ATP8A1: variants seen among roughly 807,000 people sequenced by gnomAD.
The protein encoded by ATP8A1 is ATPase phospholipid transporting 8A1, also known as phospholipid-transporting ATPase IA.
Under a neutral mutation model 177.7 loss-of-function variants are expected in ATP8A1, and 90 were observed. The observed-to-expected ratio is 0.51, with a 90% CI of 0.43 to 0.60. The LOEUF (loss-of-function observed/expected upper bound fraction) is 0.60. Ranked by LOEUF, ATP8A1 falls within the 20% of genes least tolerant of loss-of-function variation. ATP8A1 has a pLI of 0.00. For synonymous variants in ATP8A1, 493 were observed against 485.9 expected, an observed-to-expected ratio of 1.01 and a Z score of -0.19; for missense variants, 1,072 against 1,392.8, an observed-to-expected ratio of 0.77 and a Z score of 3.67.
At chr4:42,528,910 T>C (rs1726981251) in intron 20 of ATP8A1, among the ~76,000 whole-genome samples, 1 of 152,152 alleles carries the variant, frequency 6.6e-6, no homozygotes, top group Non-Finnish European at 1.5e-5. Flanking sequence ...CCAGTAAAAT[T>C]TCTAGGGGTC....
At chr4:42,465,218 A>G in intron 25 of ATP8A1, 142 bp from the exon 26 acceptor site, 1 of 735,760 alleles carries the variant, frequency 1.4e-6, no homozygotes, top group Non-Finnish European at 2.2e-6. Flanking sequence ...AGGTTTGCAA[A>G]TGTTTACTCA....
intron 22 of ATP8A1, among the ~76,000 whole-genome samples, chr4:42,515,427 A>C (rs1012375256): frequency 2.0e-5 from 3 of 152,188 alleles, no homozygotes; most frequent in Admixed American, 6.5e-5. Flanking sequence ...ATTAAGTTTT[A>C]TATTTCTCTA....
chr4:42,596,411 T>C lies in ATP8A1; in HGVS notation c.450+4067A>G, dbSNP rs1734714297. Among the ~76,000 whole-genome samples, 4 of 152,310 alleles carry C rather than the reference T, an allele frequency of 2.6e-5. No individual in the cohort carries two copies. The South Asian group carries it at 8.3e-4, about 32-fold the overall frequency. ...TTAGCTGGGCATGGTGGCTCACACCTGTAATCCCCGTACTTTGGGAGACTG... is the reference window on the plus strand; with the variant it reads ...TTAGCTGGGCATGGTGGCTCACACCCGTAATCCCCGTACTTTGGGAGACTG... On this transcript the variant is annotated intron_variant, in intron 6 of 36. Transcript: ENST00000381668.
Position 42,485,566 on chromosome 4 carries a change from C to A in ATP8A1, c.2254G>T (p.Ala752Ser). Residue 752 changes from alanine to serine, a missense_variant, in exon 25 of 37, where the codon GCC becomes TCC. Physicochemically the swap from Ala to Ser is moderately conservative, Grantham distance 99. Coordinates refer to ENST00000381668, the MANE Select transcript of ATP8A1 (RefSeq NM_006095.2). Reference sequence around the variant, plus strand: ...TACTGTCGTACTCCAAAGGTTAAGGCATATTTGAGGGTTTTCCCATCAATT... The same window carrying A: ...TACTGTCGTACTCCAAAGGTTAAGGAATATTTGAGGGTTTTCCCATCAATT... ...LIIDGKTLKY[A>S]LTFGVRQYFL... is the part of the protein sequence containing the mutation. The A allele has an allele frequency of 1.2e-6, 2 of 1,613,780 alleles. No individual in the cohort carries two copies. Among genetic ancestry groups the A allele is most frequent in the Non-Finnish European group, 1.7e-6 (2 of 1,179,796 alleles).
chr4:42,450,167 A>T (rs1717778531), intron 30 of ATP8A1, among the ~76,000 whole-genome samples: 1 of 152,324 alleles, frequency 6.6e-6, no homozygotes, highest in African/African-American at 2.4e-5. Flanking sequence ...ATACCATGGA[A>T]TATTATTCAG....
intron 33 of ATP8A1, among the ~76,000 whole-genome samples, chr4:42,433,519 G>A (rs1464021050): frequency 6.6e-6 from 1 of 152,120 alleles, no homozygotes; most frequent in Non-Finnish European, 1.5e-5. Context: ...AGACAGGGCA[G>A]AACACCCAGA....
chr4:42,625,739 A>T, intron 2 of ATP8A1, 26 bp from the exon 3 acceptor site: 1 of 1,423,080 alleles, frequency 7.0e-7, no homozygotes, highest in Non-Finnish European at 9.8e-7. Context: ...GAAAAGTAGC[A>T]TAAAACTTCT....
chr4:42,436,022 A>G (rs1715952748), intron 33 of ATP8A1, among the ~76,000 whole-genome samples: 1 of 152,154 alleles, frequency 6.6e-6, no homozygotes, highest in Non-Finnish European at 1.5e-5. Flanking sequence ...TTAACTTGGT[A>G]TTGAGGAACA....
intron 14 of ATP8A1, 112 bp from the exon 15 acceptor site, chr4:42,569,317 A>ACTTTT: frequency 1.5e-6 from 1 of 680,432 alleles, no homozygotes; most frequent in Non-Finnish European, 2.3e-6. Flanking sequence ...TGAAAAGTTA[A>ACTTTT]CAAAATGAAC....
In ATP8A1 at chr4:42,446,583, A is replaced by G. The variant is rs1717277663; in HGVS notation, c.2958T>C (p.Thr986=). The change falls in exon 31 of 37, where the codon ACT becomes ACC. Residue 986 remains threonine, a splice_region_variant and synonymous_variant. Transcript: ENST00000381668. ...AACGAGACCGACATCCCGCACTCAC[A>G]GTGTACACAAAGTTTCCCAGTAGCA... ...DYLLLGNFVY[T]FVVITVCLKA... 1 of 1,613,674 alleles carries G rather than the reference A, an allele frequency of 6.2e-7. No homozygotes were observed. The highest frequency in any genetic ancestry group is 8.5e-7 in the Non-Finnish European group (1 of 1,179,604).
intron 1 of ATP8A1, among the ~76,000 whole-genome samples, chr4:42,651,447 T>G (rs888918393): frequency 8.5e-5 from 13 of 152,194 alleles, no homozygotes; most frequent in African/African-American, 2.9e-4. Context: ...AAAATGCTGA[T>G]AATGATACAA....
chr4:42,619,269 G>A (rs1737218212), intron 4 of ATP8A1, among the ~76,000 whole-genome samples: 1 of 151,984 alleles, frequency 6.6e-6, no homozygotes, highest in African/African-American at 2.4e-5. Context: ...ACGCATTGTA[G>A]GCTTTGAATA....
chr4:42,489,050 C>A (rs1578036060), intron 24 of ATP8A1, among the ~76,000 whole-genome samples: 1 of 152,108 alleles, frequency 6.6e-6, no homozygotes, highest in East Asian at 1.9e-4. Context: ...GAGACACACA[C>A]AGAGAGAGGT....
intron 29 of ATP8A1, among the ~76,000 whole-genome samples, chr4:42,455,060 A>G (rs1242274641): frequency 6.6e-6 from 1 of 152,150 alleles, no homozygotes; most frequent in African/African-American, 2.4e-5. Context: ...TACAAACCCA[A>G]GTGAATTTGG....
chr4:42,471,995 C>T, intron 25 of ATP8A1: 1 of 717,544 alleles, frequency 1.4e-6, no homozygotes, highest in Non-Finnish European at 2.7e-6. Context: ...CTATCATAAT[C>T]TTTGTTCCTG....
intron 22 of ATP8A1, among the ~76,000 whole-genome samples, chr4:42,508,085 A>G (rs544566671): frequency 9.2e-5 from 14 of 152,326 alleles, no homozygotes; most frequent in African/African-American, 2.9e-4. Context: ...GTCTTGTACC[A>G]TAAGACCAAA....
At chr4:42,440,241 G>A (rs1313074294) in intron 33 of ATP8A1, among the ~76,000 whole-genome samples, 1 of 151,998 alleles carries the variant, frequency 6.6e-6, no homozygotes, top group African/African-American at 2.4e-5. Flanking sequence ...CTGTTTTACT[G>A]GAATAGCCTC....
intron 33 of ATP8A1, among the ~76,000 whole-genome samples, chr4:42,430,714 G>A (rs1346811421): frequency 1.3e-5 from 2 of 152,286 alleles, no homozygotes; most frequent in African/African-American, 2.4e-5. Flanking sequence ...CCGCTTATAA[G>A]TGAGAACATG....
chr4:42,433,616 C>T (rs1715559771), intron 33 of ATP8A1, among the ~76,000 whole-genome samples: 1 of 151,948 alleles, frequency 6.6e-6, no homozygotes, highest in South Asian at 2.1e-4. Flanking sequence ...AAAGAAAACT[C>T]TTGGCTTGGG....
Sources: allele counts gnomAD v4.1 joint callset (sites outside exome capture counted in the v4.1 genomes callset), GRCh38; gene constraint gnomAD v4.1.1; transcripts MANE v1.5; gene names NCBI Gene and HGNC (gene_info 2026-07-23, HGNC 2026-07-21).